The following FMN2 variants were observed in gnomAD, a reference collection of about 807,000 sequenced individuals.
FMN2 encodes the protein formin-2.
A neutral mutation model predicts 142.3 loss-of-function variants in FMN2; 51 were observed. That is an observed-to-expected ratio of 0.36 (90% CI 0.29 to 0.45). The LOEUF is 0.45. Among genes scored for constraint, FMN2 ranks in the 20% least tolerant of loss-of-function variants. The pLI is 1.00. For synonymous variants in FMN2, 882 were observed against 869.8 expected, an observed-to-expected ratio of 1.01 and a Z score of -0.25; for missense variants, 1,936 against 2,122.8, an observed-to-expected ratio of 0.91 and a Z score of 1.73.
chr1:240,289,764 A>G (rs778369965), intron 7 of FMN2, among the ~76,000 whole-genome samples: 2 of 152,158 alleles, frequency 1.3e-5, no homozygotes, highest in Non-Finnish European at 2.9e-5. Flanking sequence ...AGATCAACAA[A>G]TTTGTCTAAT....
chr1:240,293,146 C>T (rs1459602921), intron 7 of FMN2, among the ~76,000 whole-genome samples: 1 of 152,072 alleles, frequency 6.6e-6, no homozygotes, highest in East Asian at 1.9e-4. Context: ...TGAGAAACCT[C>T]AGGATATTCA....
At chr1:240,194,468 A>G (rs991241179) in intron 4 of FMN2, among the ~76,000 whole-genome samples, 3 of 152,220 alleles carry the variant, frequency 2.0e-5, no homozygotes, top group African/African-American at 7.2e-5. Context: ...GAGGTGACCA[A>G]GCATTTTAAA....
chr1:240,385,862 A>G (rs1055934068), intron 14 of FMN2, among the ~76,000 whole-genome samples: 4 of 151,500 alleles, frequency 2.6e-5, no homozygotes, highest in African/African-American at 9.7e-5. Flanking sequence ...ATATACACCT[A>G]TATTTCTAGA....
intron 7 of FMN2, among the ~76,000 whole-genome samples, chr1:240,284,780 TAGTG>T (rs1449401199): frequency 6.6e-6 from 1 of 152,114 alleles, no homozygotes; most frequent in African/African-American, 2.4e-5. Flanking sequence ...ATAGGCAATG[TAGTG>T]AGTAAGTTCT....
intron 8 of FMN2, among the ~76,000 whole-genome samples, chr1:240,312,202 G>A (rs951535609): frequency 1.6e-4 from 25 of 152,100 alleles, no homozygotes; most frequent in African/African-American, 6.0e-4. Context: ...CTGCTCTCCA[G>A]CCACCCACCC....
chr1:240,383,499 C>T (rs1187309099), intron 14 of FMN2, among the ~76,000 whole-genome samples: 4 of 152,144 alleles, frequency 2.6e-5, no homozygotes, highest in Non-Finnish European at 4.4e-5. Flanking sequence ...AACTGCTGAA[C>T]ATTATTAGTC....
intron 8 of FMN2, among the ~76,000 whole-genome samples, chr1:240,325,271 A>G (rs1412405727): frequency 2.0e-5 from 3 of 148,270 alleles, no homozygotes; most frequent in Non-Finnish European, 4.4e-5. Flanking sequence ...TGAGCCCAAG[A>G]GGTCAAGGCT....
intron 13 of FMN2, among the ~76,000 whole-genome samples, chr1:240,346,799 C>A (rs1335994390): frequency 6.6e-6 from 1 of 151,982 alleles, no homozygotes; most frequent in Admixed American, 6.6e-5. Context: ...CTCAGCCTTT[C>A]CTATACTTTA....
rs57086534 is a variant in FMN2 at position 240,155,894 on chromosome 1, C to CT, written c.1783-22013dup. On this transcript the variant is annotated intron_variant, in intron 2 of 17. Coordinates refer to ENST00000319653, the MANE Select transcript of FMN2 (RefSeq NM_020066.5). ...TGGACTGGCACTTCAAAATTAGATA[C>CT]TTTTTTTTTTTTTTAATAATGACTA... Among the ~76,000 whole-genome samples, 513 of 136,286 alleles carry CT rather than the reference C, an allele frequency of 3.8e-3. 3 individuals carry two copies. Among genetic ancestry groups the CT allele is most frequent in the African/African-American group, 9.7e-3 (370 of 38,154 alleles). 89.4% of individuals were successfully genotyped at this position (136,286 alleles called of 152,430 possible). A position where few individuals can be genotyped will look rare whatever the true frequency, so the allele number is the denominator to read the frequency against.
At chr1:240,197,237 G>C (rs555850168) in intron 4 of FMN2, among the ~76,000 whole-genome samples, 24 of 152,304 alleles carry the variant, frequency 1.6e-4, no homozygotes, top group African/African-American at 5.8e-4. Context: ...GATTTGGAGA[G>C]CTTCCAGATA....
In FMN2 at chr1:240,092,535, C is replaced by T. The variant is rs143096048; in HGVS notation, c.426C>T (p.Thr142=). The part of the protein sequence containing the change: ...DTECADPFEV[T]GPGGPGPAEA... ...AGTGTGCGGACCCTTTTGAGGTGAC[C>T]GGTCCAGGGGGTCCTGGGCCTGCCG... Residue 142 remains threonine, a synonymous_variant, in exon 1 of 18, where the codon ACC becomes ACT. Coordinates refer to ENST00000319653, the MANE Select transcript of FMN2 (RefSeq NM_020066.5). The T allele has an allele frequency of 1.5e-3, 2,413 of 1,610,908 alleles. 32 individuals are homozygous for T. The African/African-American group carries it at 0.027, about 18-fold the overall frequency.
intron 8 of FMN2, among the ~76,000 whole-genome samples, chr1:240,307,024 G>T (rs1287310636): frequency 3.3e-5 from 5 of 152,134 alleles, no homozygotes; most frequent in Admixed American, 3.3e-4. Flanking sequence ...TTTTTCTTAA[G>T]TTTAGCTGCT....
chr1:240,185,274 G>A (rs904948042), intron 3 of FMN2, among the ~76,000 whole-genome samples: 2 of 151,000 alleles, frequency 1.3e-5, no homozygotes, highest in Non-Finnish European at 2.9e-5. Context: ...TTCTCTCCCA[G>A]TGGTTCTCAT....
At chr1:240,325,698 C>G (rs1246710996) in intron 8 of FMN2, among the ~76,000 whole-genome samples, 1 of 152,164 alleles carries the variant, frequency 6.6e-6, no homozygotes, top group African/African-American at 2.4e-5. Flanking sequence ...TTTCAGCTCT[C>G]GTGCAGTAAG....
chr1:240,160,457 T>TATATA (rs1664231411), intron 2 of FMN2, among the ~76,000 whole-genome samples: 1 of 149,568 alleles, frequency 6.7e-6, no homozygotes, highest in African/African-American at 2.4e-5. Context: ...ATATACATTG[T>TATATA]ATGTATATAT....
chr1:240,229,650 CT>C (rs1035234361), intron 6 of FMN2, among the ~76,000 whole-genome samples: 36 of 151,442 alleles, frequency 2.4e-4, no homozygotes, highest in African/African-American at 8.0e-4. Context: ...CCATAGCTGA[CT>C]TTTTTTTTAT....
At chr1:240,196,282 A>T (rs1042814962) in intron 4 of FMN2, among the ~76,000 whole-genome samples, 2 of 152,204 alleles carry the variant, frequency 1.3e-5, no homozygotes, top group African/African-American at 4.8e-5. Context: ...TCTCAAAGTA[A>T]TTCCATTACT....
intron 15 of FMN2, among the ~76,000 whole-genome samples, chr1:240,427,052 G>GT (rs1674967078): frequency 6.6e-6 from 1 of 151,568 alleles, no homozygotes; most frequent in South Asian, 2.1e-4. Context: ...AGATACCCTT[G>GT]TTAAAAGAAA....
chr1:240,403,536 AG>A (rs1232906578), intron 15 of FMN2, among the ~76,000 whole-genome samples: 1 of 152,196 alleles, frequency 6.6e-6, no homozygotes, highest in African/African-American at 2.4e-5. Flanking sequence ...CGAGAGGTTG[AG>A]GCAAGAGAAT....
Sources: allele counts gnomAD v4.1 joint callset (sites outside exome capture counted in the v4.1 genomes callset), GRCh38; gene constraint gnomAD v4.1.1; transcripts MANE v1.5; gene names NCBI Gene and HGNC (gene_info 2026-07-23, HGNC 2026-07-21).